The following PRKN variants were observed in gnomAD, a reference collection of about 807,000 sequenced individuals.
PRKN encodes parkin RBR E3 ubiquitin protein ligase.
PRKN carries 56 observed loss-of-function variants against 59.5 expected under a neutral mutation model. The observed-to-expected ratio is 0.94, with a 90% confidence interval of 0.76 to 1.18. The LOEUF (loss-of-function observed/expected upper bound fraction) is 1.18, where lower values mean the gene tolerates loss of function less well. PRKN is among the 50% of genes most tolerant of loss of function. The probability of loss-of-function intolerance (pLI) is 0.00; values close to 1 mark genes in which losing one functional copy is unlikely to be tolerated. For missense variants in PRKN, 657 were observed against 596.4 expected (o/e 1.10, Z -1.06); for synonymous variants, 250 against 222.1 (o/e 1.13, Z -1.12).
At chr6:162,489,550 C>T (rs919232746) in intron 1 of PRKN, among the ~76,000 whole-genome samples, 5 of 152,098 alleles carry the variant, frequency 3.3e-5, no homozygotes, top group African/African-American at 1.2e-4. Flanking sequence ...GTTTTGAGTC[C>T]CTATTTTTAC....
At chr6:161,482,809 T>A (rs1791471364) in intron 9 of PRKN, among the ~76,000 whole-genome samples, 1 of 152,212 alleles carries the variant, frequency 6.6e-6, no homozygotes, top group South Asian at 2.1e-4. Flanking sequence ...TACAAGGGTT[T>A]CCTAGAGGAC....
chr6:161,595,260 TTCTGGTAATC>T (rs1416624764), intron 7 of PRKN, among the ~76,000 whole-genome samples: 2 of 152,082 alleles, frequency 1.3e-5, no homozygotes, highest in Admixed American at 6.5e-5. Context: ...AGGGAAGTTT[TTCTGGTAATC>T]TCTCACATTC....
intron 1 of PRKN, among the ~76,000 whole-genome samples, chr6:162,677,058 T>A (rs1339089806): frequency 5.7e-5 from 5 of 88,022 alleles, no homozygotes; most frequent in Admixed American, 2.7e-4. Context: ...AGACAACATC[T>A]CAATCAAAAA....
At chr6:161,727,938 A>T (rs1787513533) in intron 7 of PRKN, among the ~76,000 whole-genome samples, 1 of 152,210 alleles carries the variant, frequency 6.6e-6, no homozygotes, top group African/African-American at 2.4e-5. Flanking sequence ...ATGATCCTGA[A>T]CATATCATCT....
At chr6:162,146,381 C>T (rs972187554) in intron 4 of PRKN, among the ~76,000 whole-genome samples, 3 of 151,644 alleles carry the variant, frequency 2.0e-5, no homozygotes, top group Non-Finnish European at 2.9e-5. Context: ...ACAAAACCTA[C>T]CTTCCCTTTG....
intron 6 of PRKN, among the ~76,000 whole-genome samples, chr6:161,911,039 G>T (rs909805444): frequency 6.6e-6 from 1 of 152,190 alleles, no homozygotes; most frequent in Admixed American, 6.5e-5. Flanking sequence ...TGTTTGCTTC[G>T]TGAGGGTGGT....
Position 161,518,915 on chromosome 6 carries a change from A to G in PRKN, c.1083+29939T>C, listed in dbSNP as rs1778715535. Among the ~76,000 whole-genome samples the G allele has an allele frequency of 6.6e-6, 1 of 152,156 alleles. No individual in the cohort carries two copies. The highest frequency in any genetic ancestry group is 2.4e-5 in the African/African-American group (1 of 41,426). On this transcript the variant is annotated intron_variant, in intron 9 of 11. Coordinates refer to ENST00000366898, the MANE Select transcript of PRKN (RefSeq NM_004562.3). This position sits in a 1 kb window ranked among gnomAD's most constrained non-coding sequence, Gnocchi z 5.0. ...GGAGAGGAAGGCTGAGCACAAGAGAATCTCCCTCTGTCCACAGAAATGCCT... is the reference window on the plus strand; with the variant it reads ...GGAGAGGAAGGCTGAGCACAAGAGAGTCTCCCTCTGTCCACAGAAATGCCT...
At position 162,232,380 on chromosome 6, in the gene PRKN, G is replaced by A. The variant is rs1214896522; in HGVS notation, c.412+30145C>T. ...GCAGGGGTAAAAGGATGATGACCAGGAGAAAGGCGACCTTTCCTCCTCACT... is the reference window on the plus strand; with the variant it reads ...GCAGGGGTAAAAGGATGATGACCAGAAGAAAGGCGACCTTTCCTCCTCACT... On this transcript the variant is annotated intron_variant, in intron 3 of 11. Transcript: ENST00000366898. Among the ~76,000 whole-genome samples the A allele has an allele frequency of 2.0e-5, 3 of 152,026 alleles. No individual in the cohort carries two copies. In the East Asian group the frequency reaches 5.8e-4, roughly 29 times the overall value.
chr6:161,678,568 ATTT>A (rs201640028), intron 7 of PRKN, among the ~76,000 whole-genome samples: 2 of 121,434 alleles, frequency 1.6e-5, no homozygotes, highest in Non-Finnish European at 3.3e-5. Flanking sequence ...TTGGTGCCTG[ATTT>A]TTTTTTTTTT....
chr6:162,043,426 A>G (rs1489633880), intron 5 of PRKN, among the ~76,000 whole-genome samples: 1 of 152,222 alleles, frequency 6.6e-6, no homozygotes, highest in Non-Finnish European at 1.5e-5. Context: ...AAGCCAAGGA[A>G]GCTTCATTGA....
At chr6:161,611,080 G>A (rs899255519) in intron 7 of PRKN, among the ~76,000 whole-genome samples, 2 of 152,138 alleles carry the variant, frequency 1.3e-5, no homozygotes, top group African/African-American at 2.4e-5. Flanking sequence ...AAATATAGGG[G>A]CCACTGTGGT....
At chr6:161,712,350 G>A (rs957554420) in intron 7 of PRKN, among the ~76,000 whole-genome samples, 6 of 152,146 alleles carry the variant, frequency 3.9e-5, no homozygotes, top group Non-Finnish European at 8.8e-5. Context: ...AGGAAGCTGG[G>A]TTAGGATGTT....
intron 1 of PRKN, among the ~76,000 whole-genome samples, chr6:162,462,950 T>C (rs912431388): frequency 6.6e-6 from 1 of 151,880 alleles, no homozygotes; most frequent in African/African-American, 2.4e-5. Flanking sequence ...AAAACTTAGC[T>C]GGGTGTGGTA....
At chr6:162,140,553 G>T (rs757913898) in intron 4 of PRKN, among the ~76,000 whole-genome samples, 1 of 152,058 alleles carries the variant, frequency 6.6e-6, no homozygotes, top group East Asian at 1.9e-4. Flanking sequence ...CTGCTTTTCC[G>T]GCTTTCTTCC....
At chr6:161,844,882 C>T (rs1297639553) in intron 6 of PRKN, among the ~76,000 whole-genome samples, 1 of 152,236 alleles carries the variant, frequency 6.6e-6, no homozygotes, top group African/African-American at 2.4e-5. Flanking sequence ...TGGAATATCT[C>T]ATAAGTTAAG....
At position 162,307,793 on chromosome 6, in the gene PRKN, C is replaced by T. The variant is rs963164108; in HGVS notation, c.172-45028G>A. Among the ~76,000 whole-genome samples, 4 of 151,700 alleles carry T rather than the reference C, an allele frequency of 2.6e-5. No individual in the cohort carries two copies. In the East Asian group the frequency reaches 5.8e-4, roughly 22 times the overall value. On this transcript the variant is annotated intron_variant, in intron 2 of 11. Transcript: ENST00000366898. Reference sequence around the variant, plus strand: ...ACATCCATGCTCCCAAACATTTCTCCGCTAGTAATAAGAAGATGATTATGA... The same window carrying T: ...ACATCCATGCTCCCAAACATTTCTCTGCTAGTAATAAGAAGATGATTATGA...
chr6:162,446,973 G>A (rs1335728482), intron 1 of PRKN, among the ~76,000 whole-genome samples: 3 of 152,140 alleles, frequency 2.0e-5, no homozygotes, highest in South Asian at 2.1e-4. Context: ...TGGTTGTAAC[G>A]CTTGCTAATT....
At chr6:162,531,279 G>A (rs1383660891) in intron 1 of PRKN, among the ~76,000 whole-genome samples, 3 of 152,014 alleles carry the variant, frequency 2.0e-5, no homozygotes, top group Admixed American at 6.6e-5. Context: ...AATCTCTTGT[G>A]TAACCGTCAA....
intron 6 of PRKN, among the ~76,000 whole-genome samples, chr6:161,935,792 A>G (rs1241613859): frequency 6.6e-6 from 1 of 152,188 alleles, no homozygotes; most frequent in Non-Finnish European, 1.5e-5. Context: ...GTTGAAGAGG[A>G]AGCCTGCAGC....
Sources: gnomAD v4.1 joint callset for allele counts (sites outside exome capture counted in the v4.1 genomes callset) on GRCh38, gnomAD v4.1.1 for gene constraint, Gnocchi (gnomAD v3.1) non-coding constraint, MANE v1.5 for transcripts, NCBI Gene and HGNC (gene_info 2026-07-23, HGNC 2026-07-21) for gene names.